MRTFB: variants seen among roughly 807,000 people sequenced by gnomAD.
MRTFB encodes the protein myocardin related transcription factor B.
A neutral mutation model predicts 104.2 loss-of-function variants in MRTFB; 29 were observed. The ratio of observed to expected loss-of-function variants is 0.28; its 90% CI spans 0.21 to 0.38. The LOEUF (loss-of-function observed/expected upper bound fraction) is 0.38, where lower values mean the gene tolerates loss of function less well. MRTFB is among the 10% of genes least tolerant of loss of function. MRTFB has a pLI of 1.00. For synonymous variants in MRTFB, 535 were observed against 519.5 expected, an observed-to-expected ratio of 1.03 and a Z score of -0.41; for missense variants, 1,270 against 1,341.6, an observed-to-expected ratio of 0.95 and a Z score of 0.83.
intron 3 of MRTFB, among the ~76,000 whole-genome samples, chr16:14,169,099 C>T (rs1249350467): frequency 6.6e-6 from 1 of 152,042 alleles, no homozygotes; most frequent in Non-Finnish European, 1.5e-5. Flanking sequence ...CTCATGTATA[C>T]CCCACTTGGA....
chr16:14,140,790 G>C (rs779867538), intron 3 of MRTFB, 30 bp downstream of exon 3: 1 of 1,612,814 alleles, frequency 6.2e-7, no homozygotes, highest in South Asian at 1.1e-5. Flanking sequence ...TGGGATCTTT[G>C]ATTTAAAGAT....
intron 2 of MRTFB, among the ~76,000 whole-genome samples, chr16:14,084,015 T>A (rs1011386552): frequency 1.3e-5 from 2 of 152,242 alleles, no homozygotes; most frequent in African/African-American, 4.8e-5. Context: ...GTTTTCTTAT[T>A]GAGAAGATAC....
At chr16:14,249,760 T>C (rs991188246) in intron 13 of MRTFB, among the ~76,000 whole-genome samples, 2 of 152,350 alleles carry the variant, frequency 1.3e-5, no homozygotes, top group Non-Finnish European at 2.9e-5. Context: ...AAAAATCTTA[T>C]GCCTCAAAAA....
chr16:14,035,202 G>A, the MRTFB span, among the ~76,000 whole-genome samples: 10 of 152,252 alleles, frequency 6.6e-5, no homozygotes, highest in East Asian at 1.9e-4. Flanking sequence ...ATAAGATTGC[G>A]ATCCTCCCTG....
intron 8 of MRTFB, among the ~76,000 whole-genome samples, chr16:14,221,140 T>G (rs541474852): frequency 2.0e-5 from 3 of 152,206 alleles, no homozygotes; most frequent in Non-Finnish European, 4.4e-5. Context: ...CTTTTTTTAA[T>G]TAACTACAGA....
the MRTFB span, among the ~76,000 whole-genome samples, chr16:14,018,565 C>G: frequency 6.6e-6 from 1 of 152,144 alleles, no homozygotes; most frequent in Non-Finnish European, 1.5e-5. Flanking sequence ...TAGGAGTTCA[C>G]ATGAAAATCA....
At chr16:14,023,602 CACACACACATACATATACATAT>C in the MRTFB span, among the ~76,000 whole-genome samples, 21 of 94,752 alleles carry the variant, frequency 2.2e-4, no homozygotes, top group Admixed American at 5.5e-4. Context: ...CACACACACA[CACACACACATACATATACATAT>C]ACATATACAT....
At chr16:14,228,722 C>T (rs990658163) in intron 8 of MRTFB, among the ~76,000 whole-genome samples, 9 of 152,214 alleles carry the variant, frequency 5.9e-5, no homozygotes, top group African/African-American at 1.4e-4. Context: ...TATATTTATA[C>T]GTTGGAATAG....
intron 2 of MRTFB, among the ~76,000 whole-genome samples, chr16:14,109,125 CA>C (rs1348153855): frequency 3.3e-5 from 5 of 152,120 alleles, no homozygotes; most frequent in African/African-American, 1.2e-4. Context: ...TGTTTCTTAG[CA>C]ATTTCTATAA....
the MRTFB span, among the ~76,000 whole-genome samples, chr16:14,065,855 T>G: frequency 6.6e-6 from 1 of 152,100 alleles, no homozygotes; most frequent in East Asian, 1.9e-4. Context: ...TGCTCTCCCC[T>G]CTCCTTCCTG....
intron 3 of MRTFB, among the ~76,000 whole-genome samples, chr16:14,167,025 C>G (rs188523032): frequency 9.9e-5 from 15 of 152,248 alleles, no homozygotes; most frequent in Admixed American, 5.2e-4. Flanking sequence ...GGTGTATACC[C>G]AAAATGGGAT....
At chr16:14,003,455 C>G in the MRTFB span, among the ~76,000 whole-genome samples, 290 of 152,344 alleles carry the variant, frequency 1.9e-3, 1 homozygote, top group African/African-American at 6.6e-3. Flanking sequence ...GTTTGGAAAT[C>G]AGAGAACAGC....
intron 2 of MRTFB, among the ~76,000 whole-genome samples, chr16:14,097,906 TC>T (rs1335700372): frequency 3.3e-5 from 5 of 152,230 alleles, no homozygotes; most frequent in African/African-American, 1.2e-4. Context: ...GTTGAGTACA[TC>T]AATAGTTCAT....
chr16:14,091,728 C>T (rs1243751541), intron 2 of MRTFB, among the ~76,000 whole-genome samples: 2 of 151,940 alleles, frequency 1.3e-5, no homozygotes, highest in African/African-American at 4.8e-5. Context: ...GGCGTGGTGG[C>T]TCACACCTGT....
At chr16:14,180,414 G>A (rs778563053) in intron 3 of MRTFB, among the ~76,000 whole-genome samples, 1 of 152,208 alleles carries the variant, frequency 6.6e-6, no homozygotes, top group Non-Finnish European at 1.5e-5. Flanking sequence ...TGTAAATCTT[G>A]TAGTCAGTTG....
the MRTFB span, among the ~76,000 whole-genome samples, chr16:14,003,769 G>A: frequency 6.6e-6 from 1 of 151,514 alleles, no homozygotes; most frequent in Non-Finnish European, 1.5e-5. Flanking sequence ...AAACTCAAAA[G>A]TATGCAGGCA....
At chr16:14,204,662 A>G (rs2040862519) in intron 3 of MRTFB, among the ~76,000 whole-genome samples, 1 of 152,230 alleles carries the variant, frequency 6.6e-6, no homozygotes, top group African/African-American at 2.4e-5. Flanking sequence ...CCTTATTGAA[A>G]TGTAATAGAA....
chr16:14,218,959 T>C lies in MRTFB; in HGVS notation c.654T>C (p.Ser218=), dbSNP rs753994004. The stretch of plus-strand genomic sequence containing the variant: ...CGTCCCCAAGTGAGCCAAAAGTTAG[T>C]GAATCGCCATCTCCTGTGACTACAA... The part of the protein sequence containing the change: ...SAASPSEPKV[S]ESPSPVTTNT... The change falls in exon 8 of 17, where the codon AGT becomes AGC. Residue 218 remains serine (S), a synonymous_variant. Coordinates refer to ENST00000571589, the MANE Select transcript of MRTFB (RefSeq NM_001308142.2). The C allele has an allele frequency of 6.2e-7, 1 of 1,613,918 alleles. No individual in the cohort carries two copies. The highest frequency in any genetic ancestry group is 8.5e-7 in the Non-Finnish European group (1 of 1,179,984).
chr16:14,012,422 C>T, the MRTFB span, among the ~76,000 whole-genome samples: 2 of 151,222 alleles, frequency 1.3e-5, no homozygotes, highest in Non-Finnish European at 2.9e-5. Flanking sequence ...CCTCAGCCTC[C>T]CAAGTAGCTG....
Sources: allele counts gnomAD v4.1 joint callset (sites outside exome capture counted in the v4.1 genomes callset), GRCh38; gene constraint gnomAD v4.1.1; transcripts MANE v1.5; gene names NCBI Gene and HGNC (gene_info 2026-07-23, HGNC 2026-07-21).